Variants in GABRR2 observed in about 807,000 individuals in gnomAD.
GABRR2 encodes the protein gamma-aminobutyric acid receptor subunit rho-2.
GABRR2 carries 36 observed loss-of-function variants against 47.0 expected under a neutral mutation model. That is an observed-to-expected ratio of 0.77 (90% confidence interval 0.59 to 1.01). The LOEUF (loss-of-function observed/expected upper bound fraction) is 1.01. Among genes scored for constraint, GABRR2 ranks in the 50% least tolerant of loss-of-function variants. The pLI, the probability that GABRR2 is intolerant of heterozygous loss-of-function variation, is 0.00. For synonymous variants in GABRR2, 204 were observed against 227.5 expected, an observed-to-expected ratio of 0.90 and a Z score of 0.93; for missense variants, 587 against 594.6, an observed-to-expected ratio of 0.99 and a Z score of 0.13.
At chr6:89,268,656 C>G (rs370041831) in intron 4 of GABRR2, among the ~76,000 whole-genome samples, 19 of 148,360 alleles carry the variant, frequency 1.3e-4, no homozygotes, top group Admixed American at 2.7e-4. Flanking sequence ...TTTTGGGGGA[C>G]GGGGGGGGGC....
At chr6:89,277,976 T>A (rs1242823256) in intron 2 of GABRR2, among the ~76,000 whole-genome samples, 2 of 152,112 alleles carry the variant, frequency 1.3e-5, no homozygotes, top group African/African-American at 2.4e-5. Context: ...TCGAGAAATG[T>A]ATGTGAATGT....
chr6:89,297,044 G>A (rs564147998), intron 2 of GABRR2, among the ~76,000 whole-genome samples: 13 of 152,164 alleles, frequency 8.5e-5, no homozygotes, highest in African/African-American at 2.4e-4. Context: ...CACATTGTTC[G>A]GAATAGCACC....
intron 2 of GABRR2, among the ~76,000 whole-genome samples, chr6:89,274,127 A>G (rs1020343214): frequency 1.3e-5 from 2 of 152,248 alleles, no homozygotes; most frequent in African/African-American, 2.4e-5. Flanking sequence ...TCAGAGCTCC[A>G]GTGCCCTTTT....
chr6:89,298,970 A>G (rs1439481929), intron 2 of GABRR2, among the ~76,000 whole-genome samples: 1 of 152,184 alleles, frequency 6.6e-6, no homozygotes, highest in Non-Finnish European at 1.5e-5. Flanking sequence ...CTCAGCACAC[A>G]TGGAAACTGT....
At chr6:89,314,415 T>G (rs1320066979) in intron 1 of GABRR2, among the ~76,000 whole-genome samples, 1 of 152,238 alleles carries the variant, frequency 6.6e-6, no homozygotes, top group Non-Finnish European at 1.5e-5. Context: ...AGATTTGTAA[T>G]GTAATGATTT....
intron 6 of GABRR2, among the ~76,000 whole-genome samples, chr6:89,266,999 C>CTTTTTTTTTT (rs71024360): frequency 1.6e-5 from 2 of 125,892 alleles, no homozygotes; most frequent in African/African-American, 3.1e-5. Context: ...TTCTTTTCTT[C>CTTTTTTTTTT]TTTTTTTTTT....
At chr6:89,261,134 G>A (rs927161825) in intron 8 of GABRR2, among the ~76,000 whole-genome samples, 3 of 152,170 alleles carry the variant, frequency 2.0e-5, no homozygotes, top group Admixed American at 6.5e-5. Flanking sequence ...AAGTTGTGCC[G>A]GTGAACCGTT....
intron 2 of GABRR2, among the ~76,000 whole-genome samples, chr6:89,275,320 C>CTGGA (rs1774139083): frequency 2.0e-5 from 3 of 152,176 alleles, no homozygotes; most frequent in Admixed American, 2.0e-4. Flanking sequence ...GTCACCCAGG[C>CTGGA]TGGAGTGCAG....
chr6:89,270,023 A>G (rs1774012062), intron 3 of GABRR2, among the ~76,000 whole-genome samples: 1 of 152,198 alleles, frequency 6.6e-6, no homozygotes, highest in Admixed American at 6.5e-5. Context: ...TGGTGGGCCC[A>G]GAGGGAGCCC....
Position 89,294,386 on chromosome 6 carries a change from T to A in GABRR2, c.220+5373A>T, listed in dbSNP as rs1322706850. Among the ~76,000 whole-genome samples, 3 of 152,192 alleles carry A rather than the reference T, an allele frequency of 2.0e-5. No individual in the cohort carries two copies. In the East Asian group the frequency reaches 5.8e-4, roughly 29 times the overall value. ...GTCTCAAACTCCTAGCCTCAAGTAA[T>A]CCACCCACCTTGACCTCCCAAAGAG... On this transcript the variant is annotated intron_variant, in intron 2 of 8. Coordinates refer to ENST00000402938, the MANE Select transcript of GABRR2 (RefSeq NM_002043.5).
At chr6:89,266,941 C>T (rs562962869) in intron 6 of GABRR2, among the ~76,000 whole-genome samples, 1 of 151,842 alleles carries the variant, frequency 6.6e-6, no homozygotes, top group South Asian at 2.1e-4. Context: ...CCTCCTCAGC[C>T]TCCTGAGTAG....
chr6:89,259,883 C>CTT lies in GABRR2; in HGVS notation c.1087-1904_1087-1903dup, dbSNP rs59831214. The stretch of plus-strand genomic sequence containing the variant: ...AAGGTAAGAGGTCATCTCTCTCTCT[C>CTT]TTTTTTTTTTTTTTTGTTTTTTTTG... On this transcript the variant is annotated intron_variant, in intron 8 of 8. Coordinates refer to ENST00000402938, the MANE Select transcript of GABRR2 (RefSeq NM_002043.5). Among the ~76,000 whole-genome samples, 199 of 67,632 alleles carry CTT rather than the reference C, an allele frequency of 2.9e-3. 1 individual carries two copies. Among genetic ancestry groups the CTT allele is most frequent in the African/African-American group, 0.011 (180 of 16,822 alleles). 44.4% of individuals were successfully genotyped at this position (67,632 alleles called of 152,430 possible).
At chr6:89,277,868 T>TGGGGG (rs141786803) in intron 2 of GABRR2, among the ~76,000 whole-genome samples, 11 of 84,472 alleles carry the variant, frequency 1.3e-4, no homozygotes, top group East Asian at 7.1e-4. Flanking sequence ...TGGGCGGGGG[T>TGGGGG]GGGGGGGGGT....
rs1201499613 is a variant in GABRR2 at position 89,267,782 on chromosome 6, C to G, written c.633G>C (p.Lys211Asn). 6.2e-7 allele frequency: 1 copy of G among 1,613,850 alleles called. No individual in the cohort carries two copies. The highest frequency in any genetic ancestry group is 1.1e-5 in the South Asian group (1 of 91,052). The change falls in exon 6 of 9, where the codon AAG becomes AAC. Residue 211 changes from lysine to asparagine, a missense_variant. Transcript: ENST00000402938. The stretch of plus-strand genomic sequence containing the variant: ...CTGTTTTTAGGGATTCATCCCCATT[C>G]TTCCAGTACAGCATTAGATCTTCAT... ...YTDEDLMLYW[K>N]NGDESLKTDE...
chr6:89,309,890 A>T (rs1380464418), intron 1 of GABRR2, among the ~76,000 whole-genome samples: 1 of 146,588 alleles, frequency 6.8e-6, no homozygotes, highest in Non-Finnish European at 1.5e-5. Flanking sequence ...TGATCCTCCC[A>T]CCTCAGCCTC....
chr6:89,265,187 G>T (rs1026464530), intron 7 of GABRR2, among the ~76,000 whole-genome samples: 2 of 152,116 alleles, frequency 1.3e-5, no homozygotes, highest in East Asian at 3.9e-4. Context: ...CACAGCTCGA[G>T]GGAACGTGGT....
chr6:89,272,290 C>A (rs905889637), intron 2 of GABRR2, among the ~76,000 whole-genome samples: 3 of 152,198 alleles, frequency 2.0e-5, no homozygotes, highest in Admixed American at 6.5e-5. Context: ...GACAATGAAA[C>A]CTTGTCAGGC....
Position 89,257,845 on chromosome 6 carries a change from A to G in GABRR2, c.1223T>C (p.Val408Ala). ...TTCACCACTCAGGCCCAGGTGGACCACTATTTTGTCTTGCCTTTCTTCTTC... is the reference window on the plus strand; with the variant it reads ...TTCACCACTCAGGCCCAGGTGGACCGCTATTTTGTCTTGCCTTTCTTCTTC... ...LTEEERQDKI[V>A]VHLGLSGEAN... The change falls in exon 9 of 9, where the codon GTG becomes GCG. Residue 408 changes from valine (V) to alanine (A), a missense_variant. Physicochemically the swap from Val to Ala is moderately conservative, Grantham distance 64. Coordinates refer to ENST00000402938, the MANE Select transcript of GABRR2 (RefSeq NM_002043.5). 1 of 1,614,044 alleles carries G rather than the reference A, an allele frequency of 6.2e-7. No homozygotes were observed. Among genetic ancestry groups the G allele is most frequent in the African/African-American group, 1.3e-5 (1 of 75,064 alleles).
chr6:89,301,681 C>G, intron 1 of GABRR2: 1 of 572,132 alleles, frequency 1.7e-6, no homozygotes, highest in Non-Finnish European at 3.2e-6. Flanking sequence ...TGAAAGATCT[C>G]TACAATGAGA....
Sources: allele counts gnomAD v4.1 joint callset (sites outside exome capture counted in the v4.1 genomes callset), GRCh38; gene constraint gnomAD v4.1.1; transcripts MANE v1.5; gene names NCBI Gene and HGNC (gene_info 2026-07-23, HGNC 2026-07-21).